BAIAP2: variants seen among roughly 807,000 people sequenced by gnomAD.
BAIAP2 encodes the protein BAR/IMD domain containing adaptor protein 2.
BAIAP2 carries 18 observed loss-of-function variants against 63.0 expected under a neutral mutation model. The observed-to-expected ratio is 0.29, with a 90% CI of 0.20 to 0.42. BAIAP2 has a LOEUF of 0.42. Among genes scored for constraint, BAIAP2 ranks in the 10% least tolerant of loss-of-function variants. The pLI, the probability that BAIAP2 is intolerant of heterozygous loss-of-function variation, is 1.00. For synonymous variants in BAIAP2, 386 were observed against 307.6 expected (o/e 1.25, Z -2.67); for missense variants, 610 against 734.3 (o/e 0.83, Z 1.96).
intron 6 of BAIAP2, among the ~76,000 whole-genome samples, chr17:81,091,666 C>T (rs2056795931): frequency 6.6e-6 from 1 of 152,206 alleles, no homozygotes; most frequent in Admixed American, 6.5e-5. Context: ...GCTCCTGGGG[C>T]TGCTTTCTTG....
At chr17:81,040,881 A>G (rs560846401) in intron 1 of BAIAP2, among the ~76,000 whole-genome samples, 2 of 152,320 alleles carry the variant, frequency 1.3e-5, no homozygotes, top group Non-Finnish European at 2.9e-5. Flanking sequence ...TGGTCCTGCA[A>G]CAAGGGGACC....
intron 6 of BAIAP2, among the ~76,000 whole-genome samples, chr17:81,099,085 C>T (rs1164109899): frequency 1.3e-5 from 2 of 149,778 alleles, no homozygotes; most frequent in Non-Finnish European, 1.5e-5. Flanking sequence ...TTCCTGGTTC[C>T]GTGCTGGCCC....
chr17:81,098,307 C>A, intron 6 of BAIAP2: 1 of 751,016 alleles, frequency 1.3e-6, no homozygotes, highest in Non-Finnish European at 1.8e-6. Context: ...GCTTCTTCGC[C>A]ACTCTCTCCC....
intron 4 of BAIAP2, 145 bp downstream of exon 4, chr17:81,085,038 C>A (rs199658609): frequency 2.5e-4 from 193 of 786,626 alleles, no homozygotes; most frequent in South Asian, 3.7e-4. Flanking sequence ...GCTCAGCACA[C>A]AAGCCACACT....
intron 3 of BAIAP2, among the ~76,000 whole-genome samples, chr17:81,081,051 C>T (rs537384264): frequency 6.6e-6 from 1 of 152,366 alleles, no homozygotes; most frequent in African/African-American, 2.4e-5. Context: ...TGGGTTCCCC[C>T]TCTCAGGCCA....
intron 3 of BAIAP2, among the ~76,000 whole-genome samples, chr17:81,082,249 G>A (rs1270864879): frequency 1.3e-5 from 2 of 152,190 alleles, no homozygotes; most frequent in Non-Finnish European, 2.9e-5. Context: ...AAGCACACCC[G>A]TGTACGGTTC....
At chr17:81,037,837 C>T (rs963270111) in intron 1 of BAIAP2, among the ~76,000 whole-genome samples, 8 of 152,260 alleles carry the variant, frequency 5.3e-5, no homozygotes, top group African/African-American at 1.9e-4. Context: ...GGACGCTTGT[C>T]CTTGGCCTTG....
chr17:81,099,305 C>A (rs1486729727), intron 6 of BAIAP2, among the ~76,000 whole-genome samples: 1 of 152,222 alleles, frequency 6.6e-6, no homozygotes, highest in African/African-American at 2.4e-5. Context: ...CGCTCCCCGT[C>A]ATTCAGAGCC....
rs554916749 is a variant in BAIAP2 at position 81,109,144 on chromosome 17, A to G, written c.1535+635A>G. 2.0e-4 allele frequency: 282 copies of G among 1,443,502 alleles called. 4 individuals are homozygous for G. The South Asian group carries it at 3.8e-3, about 19-fold the overall frequency. The allele number at this position is 1,443,502 out of a possible 1,614,324, so 89.4% of individuals were successfully genotyped here. A position where few individuals can be genotyped will look rare whatever the true frequency, so the allele number is the denominator to read the frequency against. On this transcript the variant is annotated intron_variant, in intron 13 of 13. Coordinates refer to ENST00000428708, the MANE Select transcript of BAIAP2 (RefSeq NM_001144888.2). ...CCCATGCCTTTTGGTTGGTGACCCC[A>G]GACTCTGTGATCCCCCAGGGTCCAT...
chr17:81,055,767 GTGTT>G (rs2049444043), intron 2 of BAIAP2, among the ~76,000 whole-genome samples: 1 of 151,706 alleles, frequency 6.6e-6, no homozygotes, highest in Non-Finnish European at 1.5e-5. Context: ...GGGTTTCACT[GTGTT>G]AGCCAGGATG....
chr17:81,063,525 C>T (rs2050945800), intron 3 of BAIAP2, among the ~76,000 whole-genome samples: 1 of 152,186 alleles, frequency 6.6e-6, no homozygotes, highest in Non-Finnish European at 1.5e-5. Context: ...TCCACAAGGC[C>T]CCGTGGGGTT....
intron 4 of BAIAP2, 68 bp from the exon 5 acceptor site, chr17:81,085,581 AGCCCT>A: frequency 7.5e-7 from 1 of 1,325,264 alleles, no homozygotes; most frequent in Non-Finnish European, 1.1e-6. Flanking sequence ...CATCCGCTCT[AGCCCT>A]GCCCTGCCTC....
Position 81,084,929 on chromosome 17 carries a change from G to A in BAIAP2, c.279+36G>A, listed in dbSNP as rs1397735564. 1.9e-6 allele frequency: 3 copies of A among 1,606,696 alleles called. No homozygotes were observed. The Admixed American group carries it at 5.0e-5, about 27-fold the overall frequency. ...CCCCAGCGTGGCCCTGCGAGGAGGG[G>A]CAGGTGCGACGGGAGAGCTGGCGCC... On this transcript the variant is annotated intron_variant, in intron 4 of 13. Transcript: ENST00000428708.
intron 3 of BAIAP2, among the ~76,000 whole-genome samples, chr17:81,058,236 C>T (rs577409856): frequency 5.9e-5 from 9 of 152,236 alleles, no homozygotes; most frequent in Admixed American, 3.3e-4. Flanking sequence ...CAAATTGGAG[C>T]GGCTGACATG....
intron 4 of BAIAP2, 108 bp downstream of exon 4, chr17:81,085,001 C>T: frequency 8.4e-7 from 1 of 1,184,742 alleles, no homozygotes. Context: ...GTTGTCCAGC[C>T]ACACTCGGAG....
intron 13 of BAIAP2, chr17:81,109,124 G>A (rs1236126771): frequency 1.4e-6 from 2 of 1,456,316 alleles, no homozygotes; most frequent in Admixed American, 2.4e-5. Flanking sequence ...CCTGCCCCAT[G>A]CCTTTTGGTT....
At chr17:81,050,082 C>T (rs1024100482) in intron 1 of BAIAP2, among the ~76,000 whole-genome samples, 2 of 152,178 alleles carry the variant, frequency 1.3e-5, no homozygotes, top group South Asian at 2.1e-4. Flanking sequence ...GGGAGGAACC[C>T]GGAGGAGGGG....
At chr17:81,073,346 GT>G (rs2053043645) in intron 3 of BAIAP2, among the ~76,000 whole-genome samples, 1 of 152,214 alleles carries the variant, frequency 6.6e-6, no homozygotes. Flanking sequence ...CCAGGCCGGG[GT>G]GGGGAGGTGG....
intron 1 of BAIAP2, among the ~76,000 whole-genome samples, chr17:81,050,546 G>A (rs1411909122): frequency 6.6e-6 from 1 of 152,212 alleles, no homozygotes; most frequent in Non-Finnish European, 1.5e-5. Context: ...ACAGGGCTCA[G>A]GTTGAGCCTC....
Sources: allele counts gnomAD v4.1 joint callset (sites outside exome capture counted in the v4.1 genomes callset), GRCh38; gene constraint gnomAD v4.1.1; transcripts MANE v1.5; gene names NCBI Gene and HGNC (gene_info 2026-07-23, HGNC 2026-07-21).